Variants in PSD3 observed in about 807,000 individuals in gnomAD.
PSD3 encodes the protein pleckstrin and Sec7 domain containing 3, also known as PH and SEC7 domain-containing protein 3.
PSD3 carries 49 observed loss-of-function variants against 105.5 expected under a neutral mutation model. The observed-to-expected ratio is 0.46, with a 90% CI of 0.37 to 0.59. The LOEUF (loss-of-function observed/expected upper bound fraction) is 0.59. Among genes scored for constraint, PSD3 ranks in the 20% least tolerant of loss-of-function variants. The pLI is 0.00. For missense variants in PSD3, 1,561 were observed against 1,263.8 expected (o/e 1.24, Z -3.57); for synonymous variants, 557 against 457.8 (o/e 1.22, Z -2.77).
intron 6 of PSD3, among the ~76,000 whole-genome samples, chr8:18,803,958 T>TA (rs35750138): frequency 0.87 from 132,629 of 151,760 alleles, 58,120 homozygotes; most frequent in Middle Eastern, 0.91. Context: ...TCTAACACGA[T>TA]AAAAAAACGA....
At chr8:19,061,685 A>T (rs1828900954) in intron 1 of PSD3, among the ~76,000 whole-genome samples, 1 of 151,956 alleles carries the variant, frequency 6.6e-6, no homozygotes, top group South Asian at 2.1e-4. Context: ...TGTGCCTGTA[A>T]TCCCAGCTAC....
At chr8:18,667,570 T>C (rs1799544168) in intron 9 of PSD3, among the ~76,000 whole-genome samples, 1 of 152,094 alleles carries the variant, frequency 6.6e-6, no homozygotes, top group Non-Finnish European at 1.5e-5. Context: ...TACCTAGACA[T>C]AAAGATTCTT....
intron 14 of PSD3, among the ~76,000 whole-genome samples, chr8:18,562,079 G>C (rs12546918): frequency 6.6e-6 from 1 of 152,144 alleles, no homozygotes; most frequent in South Asian, 2.1e-4. Context: ...GAATGAGAGA[G>C]AAGGCAGAGA....
At chr8:18,828,713 C>G (rs1050192106) in intron 4 of PSD3, among the ~76,000 whole-genome samples, 5 of 152,130 alleles carry the variant, frequency 3.3e-5, no homozygotes, top group African/African-American at 4.8e-5. Flanking sequence ...GAAATCCCAG[C>G]ATTTTGGGAG....
chr8:18,547,448 C>T (rs576784975), intron 15 of PSD3, among the ~76,000 whole-genome samples: 19 of 152,250 alleles, frequency 1.2e-4, no homozygotes, highest in South Asian at 1.2e-3. Context: ...CTTACCTTTT[C>T]CCCTCAAGGG....
At chr8:18,736,624 T>C (rs1469906790) in intron 9 of PSD3, among the ~76,000 whole-genome samples, 1 of 152,064 alleles carries the variant, frequency 6.6e-6, no homozygotes, top group Non-Finnish European at 1.5e-5. Context: ...TCCAGGGAAA[T>C]ATTTTATAGA....
At chr8:18,750,662 G>C (rs1005765532) in intron 9 of PSD3, among the ~76,000 whole-genome samples, 1 of 152,050 alleles carries the variant, frequency 6.6e-6, no homozygotes, top group Non-Finnish European at 1.5e-5. Flanking sequence ...GATTGGTAGA[G>C]CCGAGTGGCC....
intron 11 of PSD3, among the ~76,000 whole-genome samples, chr8:18,630,212 C>G (rs964907162): frequency 6.6e-6 from 1 of 151,918 alleles, no homozygotes; most frequent in African/African-American, 2.4e-5. Flanking sequence ...AGCCCCATGA[C>G]ACTTAAAACT....
chr8:18,640,206 A>G (rs1190581712), intron 10 of PSD3, among the ~76,000 whole-genome samples: 1 of 152,178 alleles, frequency 6.6e-6, no homozygotes, highest in East Asian at 1.9e-4. Flanking sequence ...ATGTGTCTCC[A>G]CAGCATTGAC....
rs906469781 is a variant in PSD3, at chr8:19,082,930, G to A, written c.324+1276C>T. ...CGCTACTCTGGAGAGCTTTCTCCCCGTTTCTTAACTGTGGCTACGCAGGCC... is the reference window on the plus strand; with the variant it reads ...CGCTACTCTGGAGAGCTTTCTCCCCATTTCTTAACTGTGGCTACGCAGGCC... On this transcript the variant is annotated intron_variant, in intron 1 of 1. Coordinates refer to the PSD3 transcript ENST00000521475. 3.9e-5 allele frequency among the ~76,000 whole-genome samples: 6 copies of A among 152,292 alleles called. No homozygotes were observed. In the South Asian group the frequency reaches 6.2e-4, roughly 16 times the overall value.
intron 11 of PSD3, among the ~76,000 whole-genome samples, chr8:18,611,493 C>T (rs991818780): frequency 7.9e-5 from 12 of 152,078 alleles, no homozygotes; most frequent in African/African-American, 2.9e-4. Context: ...CCTGAGTGAC[C>T]TTGGACAAGT....
At chr8:18,907,299 A>G (rs1004804395) in intron 2 of PSD3, among the ~76,000 whole-genome samples, 3 of 152,108 alleles carry the variant, frequency 2.0e-5, no homozygotes, top group African/African-American at 7.2e-5. Flanking sequence ...TAAATGCCCT[A>G]TATGATGGTA....
chr8:18,600,501 T>C, intron 11 of PSD3, 67 bp from the exon 12 acceptor site: 1 of 1,269,884 alleles, frequency 7.9e-7, no homozygotes, highest in Non-Finnish European at 1.1e-6. Context: ...ATCTAAATGA[T>C]CAACATGGTG....
At chr8:18,693,683 T>C (rs1314396307) in intron 9 of PSD3, among the ~76,000 whole-genome samples, 1 of 152,216 alleles carries the variant, frequency 6.6e-6, no homozygotes, top group Non-Finnish European at 1.5e-5. Flanking sequence ...AACTGCAGGC[T>C]ACTAGCCCCA....
chr8:18,631,304 G>A (rs993734860), intron 11 of PSD3, among the ~76,000 whole-genome samples: 3 of 152,000 alleles, frequency 2.0e-5, no homozygotes, highest in East Asian at 3.9e-4. Context: ...TCTGAGACCA[G>A]TATCTCATTC....
chr8:18,847,776 G>C (rs1815216905), intron 4 of PSD3, among the ~76,000 whole-genome samples: 1 of 152,186 alleles, frequency 6.6e-6, no homozygotes, highest in Non-Finnish European at 1.5e-5. Flanking sequence ...GACCCTCTGT[G>C]GCACCCGCAA....
At chr8:18,699,206 A>G (rs1160254576) in intron 9 of PSD3, among the ~76,000 whole-genome samples, 2 of 152,230 alleles carry the variant, frequency 1.3e-5, no homozygotes, top group African/African-American at 2.4e-5. Flanking sequence ...TTTAAGAGCC[A>G]CTACTCATTT....
intron 4 of PSD3, among the ~76,000 whole-genome samples, chr8:18,825,246 C>G (rs181104233): frequency 3.3e-5 from 5 of 152,106 alleles, no homozygotes; most frequent in Admixed American, 3.3e-4. Flanking sequence ...AAGTTCTAAA[C>G]AAATTTAGAA....
At chr8:18,784,941 G>A (rs1808989808) in intron 8 of PSD3, among the ~76,000 whole-genome samples, 1 of 152,152 alleles carries the variant, frequency 6.6e-6, no homozygotes. Context: ...TGGAGGTGGG[G>A]TGTGTGCGGA....
Sources: allele counts gnomAD v4.1 joint callset (sites outside exome capture counted in the v4.1 genomes callset), GRCh38; gene constraint gnomAD v4.1.1; transcripts MANE v1.5; gene names NCBI Gene and HGNC (gene_info 2026-07-23, HGNC 2026-07-21).